AGO3: variants seen among roughly 807,000 people sequenced by gnomAD.
AGO3 encodes protein argonaute-3.
A neutral mutation model predicts 105.5 loss-of-function variants in AGO3; 16 were observed. The ratio of observed to expected loss-of-function variants is 0.15; its 90% CI spans 0.10 to 0.23. The LOEUF (loss-of-function observed/expected upper bound fraction) is 0.23. Among genes scored for constraint, AGO3 ranks in the 10% least tolerant of loss-of-function variants. The probability of loss-of-function intolerance (pLI) is 1.00; values close to 1 mark genes in which losing one functional copy is unlikely to be tolerated. For missense variants in AGO3, 534 were observed against 1,088.0 expected (o/e 0.49, Z 7.16); for synonymous variants, 340 against 367.3 (o/e 0.93, Z 0.85).
intron 5 of AGO3, among the ~76,000 whole-genome samples, chr1:35,987,056 G>GGT (rs1647212840): frequency 7.0e-6 from 1 of 142,318 alleles, no homozygotes; most frequent in African/African-American, 2.6e-5. Flanking sequence ...GGCTAGGCAC[G>GGT]GTGGCTCATG....
intron 2 of AGO3, among the ~76,000 whole-genome samples, chr1:35,965,099 T>C (rs547934477): frequency 6.6e-6 from 1 of 151,960 alleles, no homozygotes; most frequent in African/African-American, 2.4e-5. Flanking sequence ...CCAGAATTCG[T>C]AAGGTTGAAA....
chr1:35,967,059 C>T lies in AGO3; in HGVS notation c.296C>T (p.Pro99Leu), dbSNP rs372940279. ...AGTCTTTACACCGCCAATCCACTTC[C>T]TGTGGCAACTACAGGGGTAAGATAT... is the stretch of plus-strand genomic sequence containing the variant. ...KRSLYTANPL[P>L]VATTGVDLDV... The change falls in exon 3 of 19, where the codon CCT becomes CTT. Residue 99 changes from proline to leucine, a missense_variant. This residue lies in a region of AGO3 where 161 missense variants were observed against 234.0 expected (regional missense o/e 0.69). Transcript: ENST00000373191. The T allele has an allele frequency of 3.7e-6, 6 of 1,613,232 alleles. No individual in the cohort carries two copies. In the African/African-American group the frequency reaches 8.0e-5, roughly 22 times the overall value.
intron 11 of AGO3, among the ~76,000 whole-genome samples, chr1:36,016,000 C>G (rs1379182957): frequency 5.3e-5 from 8 of 152,026 alleles, no homozygotes; most frequent in Non-Finnish European, 1.0e-4. Flanking sequence ...GATTTATGGA[C>G]AGAAAAAGGA....
rs1029359445 is a variant in AGO3 at position 36,064,950 on chromosome 1, C to T, written c.*9205C>T. The T allele has an allele frequency of 2.6e-5, 4 of 151,908 alleles. No individual in the cohort carries two copies. Among genetic ancestry groups the T allele is most frequent in the Non-Finnish European group, 4.4e-5 (3 of 67,988 alleles). 9.4% of individuals were successfully genotyped at this position (151,908 alleles called of 1,614,324 possible). On this transcript the variant is annotated 3_prime_UTR_variant, in exon 19 of 19. Coordinates refer to ENST00000373191, the MANE Select transcript of AGO3 (RefSeq NM_024852.4). Reference sequence around the variant, plus strand: ...GTGGGCGGCTGAGGCGGGCGGATCACGAGGTCAGGAGTTGGAGACCAGCCT... The same window carrying T: ...GTGGGCGGCTGAGGCGGGCGGATCATGAGGTCAGGAGTTGGAGACCAGCCT...
At chr1:35,956,250 A>G (rs1161232469) in intron 2 of AGO3, among the ~76,000 whole-genome samples, 1 of 152,186 alleles carries the variant, frequency 6.6e-6, no homozygotes, top group Non-Finnish European at 1.5e-5. Context: ...GAATGGCTTC[A>G]TAGTTCCTAG....
chr1:36,026,257 TG>T (rs1641498758), intron 11 of AGO3, among the ~76,000 whole-genome samples: 1 of 151,816 alleles, frequency 6.6e-6, no homozygotes, highest in African/African-American at 2.4e-5. Flanking sequence ...TACAGGTGCC[TG>T]CCACCACACC....
intron 5 of AGO3, among the ~76,000 whole-genome samples, chr1:35,997,113 A>G (rs1296052695): frequency 1.3e-5 from 2 of 152,046 alleles, no homozygotes; most frequent in Non-Finnish European, 2.9e-5. Context: ...ACCTATCTCT[A>G]CTAAAAATAG....
intron 5 of AGO3, among the ~76,000 whole-genome samples, chr1:35,994,729 TTGAAA>T (rs1242372845): frequency 3.9e-5 from 6 of 151,946 alleles, no homozygotes; most frequent in South Asian, 2.1e-4. Flanking sequence ...CATTCAACAA[TTGAAA>T]TGAAAAAAAA....
intron 2 of AGO3, among the ~76,000 whole-genome samples, chr1:35,960,123 C>G (rs1646647303): frequency 6.6e-6 from 1 of 151,956 alleles, no homozygotes; most frequent in African/African-American, 2.4e-5. Flanking sequence ...TTCCCAATTC[C>G]AAGTTTCATC....
intron 3 of AGO3, among the ~76,000 whole-genome samples, chr1:35,967,508 A>G (rs1479182742): frequency 6.6e-6 from 1 of 151,788 alleles, no homozygotes; most frequent in Non-Finnish European, 1.5e-5. Flanking sequence ...TCTGCCTCCC[A>G]GATTCAAGTG....
chr1:36,041,413 T>C (rs942779537), intron 16 of AGO3, among the ~76,000 whole-genome samples: 3 of 151,888 alleles, frequency 2.0e-5, no homozygotes, highest in African/African-American at 7.3e-5. Flanking sequence ...GGCTAATTTT[T>C]TGTATTTTTA....
intron 2 of AGO3, among the ~76,000 whole-genome samples, chr1:35,952,959 A>G (rs943293579): frequency 6.6e-5 from 10 of 152,178 alleles, no homozygotes; most frequent in Non-Finnish European, 1.5e-4. Context: ...CCATCATTTG[A>G]TGGACATTTG....
intron 13 of AGO3, 75 bp from the exon 14 acceptor site, chr1:36,036,102 G>A (rs934834912): frequency 3.1e-5 from 42 of 1,369,702 alleles, no homozygotes; most frequent in African/African-American, 1.9e-4. Context: ...TTGAAGTTAC[G>A]TTGCAATTGT....
intron 2 of AGO3, among the ~76,000 whole-genome samples, chr1:35,957,353 CA>C (rs1646588001): frequency 6.7e-6 from 1 of 149,948 alleles, no homozygotes; most frequent in East Asian, 2.0e-4. Context: ...GAGACTGTCT[CA>C]AAAACAAAAA....
chr1:35,958,618 G>A (rs371559307), intron 2 of AGO3, among the ~76,000 whole-genome samples: 23 of 150,570 alleles, frequency 1.5e-4, no homozygotes, highest in African/African-American at 5.4e-4. Flanking sequence ...GCACCACTGC[G>A]CTCCAGCCTG....
At chr1:35,994,491 G>T (rs1457865894) in intron 5 of AGO3, among the ~76,000 whole-genome samples, 3 of 152,200 alleles carry the variant, frequency 2.0e-5, no homozygotes, top group African/African-American at 7.2e-5. Context: ...AGGCAAGGAT[G>T]CTTGCTCTCA....
chr1:35,935,130 T>C (rs1041426005), intron 1 of AGO3, among the ~76,000 whole-genome samples: 1 of 152,220 alleles, frequency 6.6e-6, no homozygotes, highest in African/African-American at 2.4e-5. Flanking sequence ...ATATATTTAT[T>C]GCACTTGACT....
chr1:36,064,361 CAA>C lies in AGO3; in HGVS notation c.*8617_*8618del, dbSNP rs944143807. Reference sequence around the variant, plus strand: ...CGCCATTGCACTCCAGCCTGGGCAACAAGAGTGAAACTCCATCTCAGAAAATA... The same window carrying C: ...CGCCATTGCACTCCAGCCTGGGCAACGAGTGAAACTCCATCTCAGAAAATA... On this transcript the variant is annotated 3_prime_UTR_variant, in exon 19 of 19. Coordinates refer to ENST00000373191, the MANE Select transcript of AGO3 (RefSeq NM_024852.4). The C allele has an allele frequency of 3.3e-5, 5 of 152,220 alleles. No individual in the cohort carries two copies. The highest frequency in any genetic ancestry group is 1.2e-4 in the African/African-American group (5 of 41,362). The allele number at this position is 152,220 out of a possible 1,614,324, so 9.4% of individuals were successfully genotyped here. A position where few individuals can be genotyped will look rare whatever the true frequency, so the allele number is the denominator to read the frequency against.
rs1646654216 is a variant in AGO3 at position 35,960,517 on chromosome 1, T to C, written c.192-6438T>C. ...TTTTTTTTCGCTAAAATTCTAAATA[T>C]ATGAATTTGGCCAGGCACAGTGGCT... On this transcript the variant is annotated intron_variant, in intron 2 of 18. Coordinates refer to ENST00000373191, the MANE Select transcript of AGO3 (RefSeq NM_024852.4). Among the ~76,000 whole-genome samples, 3 of 151,902 alleles carry C rather than the reference T, an allele frequency of 2.0e-5. 1 individual carries two copies. Among genetic ancestry groups the C allele is most frequent in the Admixed American group, 2.0e-4 (3 of 15,238 alleles).
Sources: allele counts gnomAD v4.1 joint callset (sites outside exome capture counted in the v4.1 genomes callset), GRCh38; gene constraint gnomAD v4.1.1; regional missense constraint gnomAD v4.1.1; transcripts MANE v1.5; gene names NCBI Gene and HGNC (gene_info 2026-07-23, HGNC 2026-07-21).